Variants in ZNF260 observed in about 807,000 individuals in gnomAD.
The protein encoded by ZNF260 is zfp-260.
Under a neutral mutation model 29.3 loss-of-function variants are expected in ZNF260, and 21 were observed. That is an observed-to-expected ratio of 0.72 (90% CI 0.51 to 1.03). ZNF260 has a LOEUF of 1.03. Ranked by LOEUF, ZNF260 falls within the 50% of genes least tolerant of loss-of-function variation. The pLI is 0.00. For synonymous variants in ZNF260, 156 were observed against 156.8 expected, an observed-to-expected ratio of 0.99 and a Z score of 0.04; for missense variants, 465 against 487.8, an observed-to-expected ratio of 0.95 and a Z score of 0.44.
chr19:36,519,806 T>C (rs990201958), intron 2 of ZNF260, among the ~76,000 whole-genome samples: 1 of 152,128 alleles, frequency 6.6e-6, no homozygotes, highest in African/African-American at 2.4e-5. Flanking sequence ...CCAGGGAAAA[T>C]TAATGCTTGG....
chr19:36,517,427 AG>A (rs2034570232), intron 2 of ZNF260: 1 of 152,212 alleles, frequency 6.6e-6, no homozygotes, highest in African/African-American at 2.4e-5. Context: ...AATTTTGGAA[AG>A]AAAGCAAATA....
Position 36,514,506 on chromosome 19 carries a change from C to A in ZNF260, c.733G>T (p.Glu245Ter). ...CATTCCTTACACGTATAAGGTTTCT[C>A]TCCTGTGTGACTTCTCTGGTGTCTA... is the stretch of plus-strand genomic sequence containing the variant. Reference protein sequence around the residue: ...LIRHQRSHTGEKPYTCKECGK... With the variant: ...LIRHQRSHTG The change falls in exon 3 of 3, where the codon GAG becomes TAG. Residue 245 changes from glutamate (E) to a stop codon, truncating the protein, a stop_gained. Transcript: ENST00000523638. LOFTEE classifies it high-confidence loss of function. 6.2e-7 allele frequency: 1 copy of A among 1,613,852 alleles called. No individual in the cohort carries two copies. The highest frequency in any genetic ancestry group is 8.5e-7 in the Non-Finnish European group (1 of 1,179,966).
rs1333497078 is a variant in ZNF260 at position 36,514,333 on chromosome 19, T to A, written c.906A>T (p.Lys302Asn). ...IKHHNIHTGEKPYECNKCGKA... is the reference protein window; with the variant it reads ...IKHHNIHTGENPYECNKCGKA... ...TTCCACATTTATTACATTCATAGGG[T>A]TTCTCTCCTGTATGAATATTGTGAT... Residue 302 changes from lysine to asparagine, a missense_variant, in exon 3 of 3, where the codon AAA (lysine) becomes AAT (asparagine). By Grantham distance (94) the Lys-to-Asn change is moderately conservative. Coordinates refer to ENST00000523638, the MANE Select transcript of ZNF260 (RefSeq NM_001166037.2). The A allele has an allele frequency of 6.2e-7, 1 of 1,614,038 alleles. No individual in the cohort carries two copies. The highest frequency in any genetic ancestry group is 1.7e-5 in the Admixed American group (1 of 60,008).
chr19:36,517,020 C>T (rs778191327), intron 2 of ZNF260, among the ~76,000 whole-genome samples: 14 of 152,078 alleles, frequency 9.2e-5, no homozygotes, highest in African/African-American at 2.9e-4. Flanking sequence ...TATGTCTTCC[C>T]GAAACACCAT....
At chr19:36,516,099 C>T (rs1159486635) in intron 2 of ZNF260, among the ~76,000 whole-genome samples, 1 of 151,986 alleles carries the variant, frequency 6.6e-6, no homozygotes, top group African/African-American at 2.4e-5. Context: ...CTCAAACTCC[C>T]GACTTTGGGT....
chr19:36,524,534 T>TTTTTTTTTTTTTTTTTTTTTTG (rs1555779912), intron 2 of ZNF260, among the ~76,000 whole-genome samples: 2 of 125,964 alleles, frequency 1.6e-5, no homozygotes, highest in Non-Finnish European at 3.5e-5. Context: ...TTTTTTTTTT[T>TTTTTTTTTTTTTTTTTTTTTTG]ATTGATCATT....
chr19:36,518,470 T>C (rs534204980), intron 2 of ZNF260, among the ~76,000 whole-genome samples: 66 of 152,156 alleles, frequency 4.3e-4, no homozygotes, highest in African/African-American at 1.5e-3. Context: ...TTTTTAGAAA[T>C]AAACAATATG....
chr19:36,515,712 A>G lies in ZNF260; in HGVS notation c.-461-13T>C, dbSNP rs2034537751. 3 of 156,824 alleles carry G rather than the reference A, an allele frequency of 1.9e-5. No homozygotes were observed. Among genetic ancestry groups the G allele is most frequent in the African/African-American group, 7.2e-5 (3 of 41,454 alleles). The allele number at this position is 156,824 out of a possible 1,614,324, so 9.7% of individuals were successfully genotyped here. ...TCCCAGGCTTCTTCTAAAAGGAAGTACAAAAAAATCATAATTGAAAAAGTT... is the reference window on the plus strand; with the variant it reads ...TCCCAGGCTTCTTCTAAAAGGAAGTGCAAAAAAATCATAATTGAAAAAGTT... On this transcript the variant is annotated splice_polypyrimidine_tract_variant and intron_variant, in intron 2 of 2. Coordinates refer to ENST00000523638, the MANE Select transcript of ZNF260 (RefSeq NM_001166037.2).
Position 36,514,006 on chromosome 19 carries a change from A to G in ZNF260, c.1233T>C (p.Thr411=), listed in dbSNP as rs1286635093. The G allele has an allele frequency of 6.2e-7, 1 of 1,609,622 alleles. No individual in the cohort carries two copies. The highest frequency in any genetic ancestry group is 8.5e-7 in the Non-Finnish European group (1 of 1,176,722). The part of the protein sequence containing the change: ...SHHIRHQRIH[T]H ...AAGGCATTCATAGAGAACTTTAATG[A>G]GTATGAATTCTCTGGTGTCTAATGT... Residue 411 remains threonine, a synonymous_variant, in exon 3 of 3, where the codon ACT becomes ACC. Transcript: ENST00000523638.
In ZNF260 at chr19:36,514,922, G is replaced by C. The variant is rs747471746; in HGVS notation, c.317C>G (p.Thr106Ser). The C allele has an allele frequency of 6.2e-7, 1 of 1,614,122 alleles. No individual in the cohort carries two copies. The highest frequency in any genetic ancestry group is 1.1e-5 in the South Asian group (1 of 91,080). The change falls in exon 3 of 3, where the codon ACT becomes AGT. Residue 106 changes from threonine to serine, a missense_variant. Transcript: ENST00000523638. ...TTCACATTCATAAGGTTTCTCTCCA[G>C]TGTGATGTTTCTGATGAGAAAGGAA... is the stretch of plus-strand genomic sequence containing the variant. Reference protein sequence around the residue: ...ENFLSHQKHHTGEKPYECEKV... With the variant: ...ENFLSHQKHHSGEKPYECEKV...
chr19:36,522,771 C>G (rs1041061762), intron 2 of ZNF260, among the ~76,000 whole-genome samples: 1 of 152,150 alleles, frequency 6.6e-6, no homozygotes, highest in African/African-American at 2.4e-5. Flanking sequence ...GAGAGAACCT[C>G]GGAGGAATCC....
chr19:36,527,366 G>A (rs764698839), intron 1 of ZNF260, among the ~76,000 whole-genome samples: 6 of 152,204 alleles, frequency 3.9e-5, no homozygotes, highest in Non-Finnish European at 7.3e-5. Flanking sequence ...AAGAATAAGT[G>A]TGACAAGATA....
At chr19:36,526,438 G>T (rs2034735013) in intron 1 of ZNF260, among the ~76,000 whole-genome samples, 1 of 152,126 alleles carries the variant, frequency 6.6e-6, no homozygotes, top group South Asian at 2.1e-4. Context: ...TACTTGGGAG[G>T]CTGAGGCAGG....
chr19:36,514,159 A>G lies in ZNF260; in HGVS notation c.1080T>C (p.Tyr360=), dbSNP rs775303025. 10 of 1,614,016 alleles carry G rather than the reference A, an allele frequency of 6.2e-6. No individual in the cohort carries two copies. Among genetic ancestry groups the G allele is most frequent in the Admixed American group, 1.7e-5 (1 of 59,994 alleles). ...HMRSHTGEKP[Y]GCNECGKAFS... is the part of the protein sequence containing the mutation. ...AGGCTTTCCCACATTCATTACAACC[A>G]TAGGGTTTCTCACCTGTATGGCTTC... Residue 360 remains tyrosine, a synonymous_variant, in exon 3 of 3, where the codon TAT becomes TAC. Transcript: ENST00000523638.
chr19:36,522,819 C>T (rs1388191140), intron 2 of ZNF260, among the ~76,000 whole-genome samples: 2 of 152,182 alleles, frequency 1.3e-5, no homozygotes, highest in Non-Finnish European at 2.9e-5. Flanking sequence ...AGTTAGCATG[C>T]AAATCTGGAC....
chr19:36,514,391 GT>G lies in ZNF260; in HGVS notation c.847del (p.Thr283GlnfsTer41). ...GAGGTATTGCTTCTGCCTGAAGATTGTTCCACATTCATTACATTTGTAGGGT... is the reference window on the plus strand; with the variant it reads ...GAGGTATTGCTTCTGCCTGAAGATTGTCCACATTCATTACATTTGTAGGGT... ...EKPYKCNECG[T>X]IFRQKQYLIK... On this transcript the variant is annotated frameshift_variant, in exon 3 of 3. Coordinates refer to ENST00000523638, the MANE Select transcript of ZNF260 (RefSeq NM_001166037.2). LOFTEE classifies it high-confidence loss of function. 1 of 1,613,172 alleles carries G rather than the reference GT, an allele frequency of 6.2e-7. No homozygotes were observed.
chr19:36,515,325 G>T lies in ZNF260; in HGVS notation c.-87C>A. 7.6e-7 allele frequency: 1 copy of T among 1,317,778 alleles called. No homozygotes were observed. The highest frequency in any genetic ancestry group is 1.0e-6 in the Non-Finnish European group (1 of 990,694). 81.6% of individuals were successfully genotyped at this position (1,317,778 alleles called of 1,614,324 possible). A position where few individuals can be genotyped will look rare whatever the true frequency, so the allele number is the denominator to read the frequency against. ...TTTCCCACATTCACTAAATTCATAT[G>T]GTGTATTTTCAATATTAATTCTCAG... On this transcript the variant is annotated 5_prime_UTR_variant, in exon 3 of 3. Transcript: ENST00000523638.
At chr19:36,518,717 C>T (rs908965291) in intron 2 of ZNF260, among the ~76,000 whole-genome samples, 1 of 152,098 alleles carries the variant, frequency 6.6e-6, no homozygotes, top group African/African-American at 2.4e-5. Context: ...CCCAGAATTA[C>T]AAATCATGAG....
At chr19:36,516,185 T>C (rs1222128553) in intron 2 of ZNF260, among the ~76,000 whole-genome samples, 1 of 152,152 alleles carries the variant, frequency 6.6e-6, no homozygotes, top group African/African-American at 2.4e-5. Flanking sequence ...AAATAGATTC[T>C]TTATCCAAGC....
Sources: gnomAD v4.1 joint callset for allele counts (sites outside exome capture counted in the v4.1 genomes callset) on GRCh38, gnomAD v4.1.1 for gene constraint, MANE v1.5 for transcripts, NCBI Gene and HGNC (gene_info 2026-07-23, HGNC 2026-07-21) for gene names.